AGBL4: variants seen among roughly 807,000 people sequenced by gnomAD.
AGBL4 encodes the protein AGBL carboxypeptidase 4, also known as cytosolic carboxypeptidase 6.
Under a neutral mutation model 66.4 loss-of-function variants are expected in AGBL4, and 58 were observed. The ratio of observed to expected loss-of-function variants is 0.87; its 90% confidence interval spans 0.71 to 1.09. The LOEUF (loss-of-function observed/expected upper bound fraction) is 1.09, where lower values mean the gene tolerates loss of function less well. Ranked by LOEUF, AGBL4 falls within the 50% of genes least tolerant of loss-of-function variation. The pLI is 0.00. For missense variants in AGBL4, 579 were observed against 631.0 expected (o/e 0.92, Z 0.88); for synonymous variants, 234 against 222.9 (o/e 1.05, Z -0.44).
intron 3 of AGBL4, among the ~76,000 whole-genome samples, chr1:49,323,283 T>C (rs1039803698): frequency 9.2e-5 from 14 of 152,032 alleles, no homozygotes; most frequent in African/African-American, 3.1e-4. Flanking sequence ...GATTTTTGTT[T>C]TTGTTTTTTT....
chr1:49,464,204 A>T (rs1646576427), intron 3 of AGBL4, among the ~76,000 whole-genome samples: 1 of 151,764 alleles, frequency 6.6e-6, no homozygotes, highest in Non-Finnish European at 1.5e-5. Context: ...TTCCTGTAGG[A>T]GCTGACACGT....
At chr1:49,823,876 A>C (rs1645435908) in intron 2 of AGBL4, among the ~76,000 whole-genome samples, 1 of 151,914 alleles carries the variant, frequency 6.6e-6, no homozygotes, top group Non-Finnish European at 1.5e-5. Flanking sequence ...ATATAAAGAA[A>C]AGTTAAGTTC....
intron 1 of AGBL4, among the ~76,000 whole-genome samples, chr1:50,012,345 A>C (rs1421618529): frequency 6.6e-6 from 1 of 152,262 alleles, no homozygotes; most frequent in Admixed American, 6.5e-5. Context: ...AAAATAATTT[A>C]GAGTGTAATT....
At chr1:49,791,272 A>G (rs1355135166) in intron 2 of AGBL4, among the ~76,000 whole-genome samples, 1 of 152,152 alleles carries the variant, frequency 6.6e-6, no homozygotes, top group African/African-American at 2.4e-5. Flanking sequence ...TAAGAAGCCA[A>G]TATAGAAAAT....
chr1:49,245,656 T>G, intron 4 of AGBL4, 114 bp downstream of exon 4: 1 of 684,134 alleles, frequency 1.5e-6, no homozygotes, highest in Non-Finnish European at 2.4e-6. Context: ...AAATTTTCTT[T>G]TAAAAATTTT....
At chr1:49,004,275 C>T (rs1367693843) in intron 5 of AGBL4, among the ~76,000 whole-genome samples, 1 of 152,156 alleles carries the variant, frequency 6.6e-6, no homozygotes, top group East Asian at 1.9e-4. Context: ...GTGTTGGACA[C>T]ATGGCATTCC....
At chr1:48,759,626 G>A (rs1327487055) in intron 6 of AGBL4, among the ~76,000 whole-genome samples, 2 of 152,136 alleles carry the variant, frequency 1.3e-5, no homozygotes, top group Admixed American at 1.3e-4. Context: ...CACCCACAAT[G>A]CCTAGGCAGT....
At chr1:49,952,625 C>A (rs1231730653) in intron 1 of AGBL4, among the ~76,000 whole-genome samples, 1 of 151,872 alleles carries the variant, frequency 6.6e-6, no homozygotes, top group Non-Finnish European at 1.5e-5. Flanking sequence ...ATTCTTTTGA[C>A]CTCTATTCAC....
chr1:48,751,156 A>G (rs1315232165), intron 6 of AGBL4, among the ~76,000 whole-genome samples: 3 of 152,182 alleles, frequency 2.0e-5, no homozygotes, highest in African/African-American at 4.8e-5. Context: ...CTCTAAAGAG[A>G]CAATTTCTAA....
At chr1:49,366,213 C>T (rs1023730196) in intron 3 of AGBL4, among the ~76,000 whole-genome samples, 2 of 152,180 alleles carry the variant, frequency 1.3e-5, no homozygotes, top group Admixed American at 6.5e-5. Context: ...GGGATTATGT[C>T]TGTCTTGATC....
At chr1:49,943,281 G>A (rs1654928817) in intron 1 of AGBL4, among the ~76,000 whole-genome samples, 1 of 152,144 alleles carries the variant, frequency 6.6e-6, no homozygotes, top group Non-Finnish European at 1.5e-5. Flanking sequence ...ATGGGAGGCA[G>A]GAGTAGATTG....
intron 5 of AGBL4, among the ~76,000 whole-genome samples, chr1:48,910,295 G>T (rs1436769154): frequency 6.6e-6 from 1 of 152,192 alleles, no homozygotes; most frequent in East Asian, 1.9e-4. Context: ...TAATTTCCAA[G>T]AGTAGTTGAA....
chr1:48,886,164 A>G (rs1451569250), intron 5 of AGBL4, among the ~76,000 whole-genome samples: 2 of 152,030 alleles, frequency 1.3e-5, no homozygotes, highest in African/African-American at 4.8e-5. Flanking sequence ...GGAACTGTGC[A>G]TGTGCTGAGA....
chr1:49,578,712 G>C (rs1571091866), intron 3 of AGBL4, among the ~76,000 whole-genome samples: 2 of 152,116 alleles, frequency 1.3e-5, no homozygotes, highest in East Asian at 3.8e-4. Context: ...TGCATTTCTG[G>C]TTGTATGAAG....
chr1:49,205,551 G>C (rs1648066477), intron 4 of AGBL4, among the ~76,000 whole-genome samples: 1 of 152,056 alleles, frequency 6.6e-6, no homozygotes, highest in South Asian at 2.1e-4. Flanking sequence ...GGGAGTGTAA[G>C]TAGGTAAGCT....
At chr1:49,435,239 T>A (rs139907441) in intron 3 of AGBL4, among the ~76,000 whole-genome samples, 294 of 152,316 alleles carry the variant, frequency 1.9e-3, no homozygotes, top group Non-Finnish European at 3.1e-3. Flanking sequence ...AATCAGTGCT[T>A]AGAATTTTAA....
chr1:48,968,007 T>C (rs538203115), intron 5 of AGBL4, among the ~76,000 whole-genome samples: 2 of 152,290 alleles, frequency 1.3e-5, no homozygotes, highest in Non-Finnish European at 2.9e-5. Context: ...TTTGTTTTCT[T>C]GTTTGTCTTG....
intron 3 of AGBL4, among the ~76,000 whole-genome samples, chr1:49,530,235 A>T (rs1570958799): frequency 7.4e-6 from 1 of 134,556 alleles, no homozygotes; most frequent in East Asian, 2.1e-4. Context: ...AAGTTTCCAC[A>T]GCTATGTTTT....
At chr1:48,553,034 C>T (rs1217764712) in intron 11 of AGBL4, among the ~76,000 whole-genome samples, 5 of 152,062 alleles carry the variant, frequency 3.3e-5, no homozygotes, top group African/African-American at 1.2e-4. Context: ...CTAACTCAGA[C>T]CCACTTCTCA....
Sources: gnomAD v4.1 joint callset for allele counts (sites outside exome capture counted in the v4.1 genomes callset) on GRCh38, gnomAD v4.1.1 for gene constraint, MANE v1.5 for transcripts, NCBI Gene and HGNC (gene_info 2026-07-23, HGNC 2026-07-21) for gene names.